MSH3: variants seen among roughly 807,000 people sequenced by gnomAD.
The protein encoded by MSH3 is DNA mismatch repair protein Msh3.
In MSH3, 106 loss-of-function variants were observed where a neutral mutation model predicts 123.3. The ratio of observed to expected loss-of-function variants is 0.86; its 90% CI spans 0.73 to 1.01. MSH3 has a LOEUF of 1.01. MSH3 is among the 50% of genes least tolerant of loss of function. The probability of loss-of-function intolerance (pLI) is 0.00; values close to 1 mark genes in which losing one functional copy is unlikely to be tolerated. For synonymous variants in MSH3, 515 were observed against 481.4 expected (o/e 1.07, Z -0.91); for missense variants, 1,459 against 1,347.6 (o/e 1.08, Z -1.29).
intron 12 of MSH3, among the ~76,000 whole-genome samples, chr5:80,748,819 C>T (rs528215975): frequency 2.6e-5 from 4 of 151,058 alleles, no homozygotes; most frequent in African/African-American, 4.9e-5. Context: ...AAAAGAAAAC[C>T]GTGAGATGAG....
intron 7 of MSH3, among the ~76,000 whole-genome samples, chr5:80,675,517 G>A (rs539630813): frequency 6.6e-6 from 1 of 152,242 alleles, no homozygotes; most frequent in Admixed American, 6.5e-5. Context: ...GCAGGAGAGA[G>A]AGTGAAGGGG....
intron 11 of MSH3, among the ~76,000 whole-genome samples, chr5:80,743,010 C>G (rs1350573885): frequency 6.6e-6 from 1 of 152,144 alleles, no homozygotes; most frequent in African/African-American, 2.4e-5. Flanking sequence ...GAAGCCGAAG[C>G]TGAGATTAAC....
chr5:80,808,861 A>G (rs867363297), intron 19 of MSH3, among the ~76,000 whole-genome samples: 1 of 103,030 alleles, frequency 9.7e-6, no homozygotes, highest in East Asian at 3.9e-4. Flanking sequence ...TCTTCTTCAT[A>G]TATATATATA....
chr5:80,702,524 C>T (rs949020705), intron 8 of MSH3, among the ~76,000 whole-genome samples: 3 of 152,134 alleles, frequency 2.0e-5, no homozygotes, highest in Non-Finnish European at 2.9e-5. Context: ...CCAGCCATGA[C>T]ATTTCAAGTG....
intron 17 of MSH3, among the ~76,000 whole-genome samples, chr5:80,782,372 A>G (rs962143979): frequency 6.6e-6 from 1 of 151,804 alleles, no homozygotes; most frequent in Non-Finnish European, 1.5e-5. Flanking sequence ...TCCCCTTGTT[A>G]TTATTTCTGA....
intron 19 of MSH3, among the ~76,000 whole-genome samples, chr5:80,808,178 T>C (rs1744932390): frequency 6.6e-6 from 1 of 152,228 alleles, no homozygotes. Context: ...TGAGTTTGCA[T>C]CTTGATCTTA....
chr5:80,762,569 T>C (rs1744052551), intron 13 of MSH3, among the ~76,000 whole-genome samples: 1 of 151,690 alleles, frequency 6.6e-6, no homozygotes, highest in African/African-American at 2.4e-5. Flanking sequence ...GTGTTTTCAT[T>C]GGCTGTGTCT....
At chr5:80,756,003 T>C (rs1743920044) in intron 12 of MSH3, among the ~76,000 whole-genome samples, 1 of 152,168 alleles carries the variant, frequency 6.6e-6, no homozygotes, top group Non-Finnish European at 1.5e-5. Flanking sequence ...AACAGTCTGA[T>C]GGTACTCACA....
intron 8 of MSH3, among the ~76,000 whole-genome samples, chr5:80,687,463 G>A (rs1312989447): frequency 6.6e-6 from 1 of 152,268 alleles, no homozygotes; most frequent in African/African-American, 2.4e-5. Context: ...TCAATTTTGC[G>A]TTCAAAGAAA....
At chr5:80,776,629 C>G (rs1744303190) in intron 16 of MSH3, among the ~76,000 whole-genome samples, 2 of 151,858 alleles carry the variant, frequency 1.3e-5, no homozygotes, top group South Asian at 4.1e-4. Flanking sequence ...ATACTAATCT[C>G]CAGGAGAGGA....
At chr5:80,796,402 C>T (rs896174136) in intron 19 of MSH3, among the ~76,000 whole-genome samples, 1 of 147,018 alleles carries the variant, frequency 6.8e-6, no homozygotes, top group African/African-American at 2.5e-5. Context: ...CCAGAATATT[C>T]GTTTCTATTA....
chr5:80,849,148 T>A (rs1561498300), intron 20 of MSH3, among the ~76,000 whole-genome samples: 1 of 152,188 alleles, frequency 6.6e-6, no homozygotes, highest in Non-Finnish European at 1.5e-5. Flanking sequence ...ATCTTTTGAC[T>A]CCATGCCTCA....
At chr5:80,700,334 TCTC>T (rs1205368621) in intron 8 of MSH3, among the ~76,000 whole-genome samples, 1 of 152,122 alleles carries the variant, frequency 6.6e-6, no homozygotes, top group Non-Finnish European at 1.5e-5. Flanking sequence ...TGAGTCGAGA[TCTC>T]CCCACTGCAC....
chr5:80,703,421 G>C (rs920497558), intron 8 of MSH3, among the ~76,000 whole-genome samples: 37 of 152,296 alleles, frequency 2.4e-4, no homozygotes, highest in African/African-American at 8.4e-4. Flanking sequence ...CACCCATACA[G>C]AATTTCTATT....
chr5:80,821,031 G>A (rs1310445984), intron 20 of MSH3, among the ~76,000 whole-genome samples: 2 of 152,068 alleles, frequency 1.3e-5, no homozygotes, highest in Non-Finnish European at 2.9e-5. Flanking sequence ...CTGCAAGATG[G>A]GATAATCATG....
At chr5:80,841,461 A>C (rs1389040427) in intron 20 of MSH3, among the ~76,000 whole-genome samples, 2 of 152,162 alleles carry the variant, frequency 1.3e-5, no homozygotes, top group African/African-American at 2.4e-5. Context: ...CTAGTTCTAG[A>C]TCCTTGAGGA....
rs151293125 is a variant in MSH3, at chr5:80,825,781, A to G, written c.2813+12040A>G. On this transcript the variant is annotated intron_variant, in intron 20 of 23. Coordinates refer to ENST00000265081, the MANE Select transcript of MSH3 (RefSeq NM_002439.5). ...ATTCTCCAAAATTGCTCATAAGAAC[A>G]TTTTCATTTTTATTACTTAATGTCC... is the stretch of plus-strand genomic sequence containing the variant. Among the ~76,000 whole-genome samples, 523 of 152,318 alleles carry G rather than the reference A, an allele frequency of 3.4e-3. 5 individuals carry two copies. Among genetic ancestry groups the G allele is most frequent in the African/African-American group, 8.2e-3 (341 of 41,570 alleles).
intron 10 of MSH3, among the ~76,000 whole-genome samples, chr5:80,741,159 G>T (rs138455514): frequency 6.6e-6 from 1 of 152,072 alleles, no homozygotes; most frequent in African/African-American, 2.4e-5. Flanking sequence ...AATGATAAAA[G>T]ACCATGTTTG....
At chr5:80,744,028 G>A (rs576740296) in intron 11 of MSH3, among the ~76,000 whole-genome samples, 1 of 151,912 alleles carries the variant, frequency 6.6e-6, no homozygotes, top group Non-Finnish European at 1.5e-5. Context: ...ACTTTTCTAA[G>A]GATTTAGTAA....
Sources: gnomAD v4.1 joint callset for allele counts (sites outside exome capture counted in the v4.1 genomes callset) on GRCh38, gnomAD v4.1.1 for gene constraint, MANE v1.5 for transcripts, NCBI Gene and HGNC (gene_info 2026-07-23, HGNC 2026-07-21) for gene names.